The following PARD3B variants were observed in gnomAD, a reference collection of about 807,000 sequenced individuals.
PARD3B encodes the protein partitioning defective 3 homolog B.
Under a neutral mutation model 130.2 loss-of-function variants are expected in PARD3B, and 103 were observed. The observed-to-expected ratio is 0.79, with a 90% CI of 0.67 to 0.93. The LOEUF (loss-of-function observed/expected upper bound fraction) is 0.93. Among genes scored for constraint, PARD3B ranks in the 40% least tolerant of loss-of-function variants. The probability of loss-of-function intolerance (pLI) is 0.00; values close to 1 mark genes in which losing one functional copy is unlikely to be tolerated. For missense variants in PARD3B, 1,609 were observed against 1,499.2 expected, an observed-to-expected ratio of 1.07 and a Z score of -1.21; for synonymous variants, 583 against 553.2, an observed-to-expected ratio of 1.05 and a Z score of -0.76.
chr2:204,607,243 T>C (rs1446227970), intron 1 of PARD3B, among the ~76,000 whole-genome samples: 1 of 152,222 alleles, frequency 6.6e-6, no homozygotes, highest in African/African-American at 2.4e-5. Context: ...GATTATCATA[T>C]AGACGAATGA....
At chr2:204,840,285 T>C (rs1229348297) in intron 2 of PARD3B, among the ~76,000 whole-genome samples, 1 of 152,264 alleles carries the variant, frequency 6.6e-6, no homozygotes, top group South Asian at 2.1e-4. Flanking sequence ...GAGAAATAAT[T>C]GAATGACCCT....
chr2:205,508,522 T>G (rs1361619010), intron 21 of PARD3B, among the ~76,000 whole-genome samples: 2 of 147,702 alleles, frequency 1.4e-5, no homozygotes, highest in African/African-American at 5.0e-5. Context: ...CAGAGAGCCA[T>G]AATCATGCCA....
At chr2:205,213,040 C>T (rs1228601967) in intron 15 of PARD3B, among the ~76,000 whole-genome samples, 3 of 152,078 alleles carry the variant, frequency 2.0e-5, no homozygotes, top group Non-Finnish European at 4.4e-5. Context: ...AGGATTTGAA[C>T]TCAGGCACAT....
rs1186707138 is a variant in PARD3B, at chr2:205,301,537, G to A, written c.2466G>A (p.Ser822=). 6.2e-6 allele frequency: 10 copies of A among 1,613,740 alleles called. No individual in the cohort carries two copies. In the East Asian group the frequency reaches 6.7e-5, roughly 11 times the overall value. The part of the protein sequence containing the change: ...LNCESAPQGN[S]ELEDMENKAR... ...GTGAGTCTGCCCCTCAGGGGAATTC[G>A]GAGCTAGAGGACATGGAAAATAAAG... The change falls in exon 18 of 23, where the codon TCG becomes TCA. Residue 822 remains serine (S), a synonymous_variant. Transcript: ENST00000406610. The surrounding 1 kb of genome is among the most constrained non-coding windows in gnomAD (Gnocchi z 5.2).
intron 20 of PARD3B, among the ~76,000 whole-genome samples, chr2:205,462,613 C>A (rs2048488452): frequency 6.6e-6 from 1 of 152,168 alleles, no homozygotes; most frequent in African/African-American, 2.4e-5. Context: ...AACACTAACA[C>A]TTTTCCTCAT....
intron 2 of PARD3B, among the ~76,000 whole-genome samples, chr2:204,949,107 T>C (rs936461959): frequency 1.3e-5 from 2 of 152,190 alleles, no homozygotes; most frequent in Non-Finnish European, 2.9e-5. Context: ...TGAAAACAGA[T>C]TACATTTGGA....
At chr2:204,620,623 TG>T (rs1352840698) in intron 1 of PARD3B, among the ~76,000 whole-genome samples, 1 of 152,074 alleles carries the variant, frequency 6.6e-6, no homozygotes, top group East Asian at 1.9e-4. Flanking sequence ...AATGAGAAGG[TG>T]TTAGAGTCAA....
rs183861259 is a variant in PARD3B, at chr2:205,142,835, G to A, written c.1435-15887G>A. Among the ~76,000 whole-genome samples, 5 of 151,992 alleles carry A rather than the reference G, an allele frequency of 3.3e-5. No individual in the cohort carries two copies. Among genetic ancestry groups the A allele is most frequent in the African/African-American group, 7.2e-5 (3 of 41,446 alleles). On this transcript the variant is annotated intron_variant, in intron 10 of 22. Transcript: ENST00000406610. The surrounding 1 kb of genome is among the most constrained non-coding windows in gnomAD (Gnocchi z 4.3). ...AGAGGTTGCAGTGAGCCGAGATCAC[G>A]CCATTGCACTCCAGCCTGGGTGACA...
intron 18 of PARD3B, among the ~76,000 whole-genome samples, chr2:205,394,810 A>G (rs912082956): frequency 2.0e-5 from 3 of 152,168 alleles, no homozygotes; most frequent in Non-Finnish European, 2.9e-5. Context: ...TAGAGAAGGA[A>G]AGTCAAATAG....
chr2:205,185,686 G>C lies in PARD3B; in HGVS notation c.1925-78G>C, dbSNP rs75139104. On this transcript the variant is annotated intron_variant, in intron 13 of 22. Coordinates refer to ENST00000406610, the MANE Select transcript of PARD3B (RefSeq NM_001302769.2). ...ATGTGTTGGCTAAAACTGCGTCTGA[G>C]AGAGATACTGAAACCAAACCAGGCA... 1,061 of 1,199,782 alleles carry C rather than the reference G, an allele frequency of 8.8e-4. 3 individuals carry two copies. In the African/African-American group the frequency reaches 0.013, roughly 14 times the overall value. The allele number at this position is 1,199,782 out of a possible 1,614,324, so 74.3% of individuals were successfully genotyped here.
At chr2:204,882,936 GCTTTAC>G (rs1232052704) in intron 2 of PARD3B, among the ~76,000 whole-genome samples, 4 of 152,082 alleles carry the variant, frequency 2.6e-5, no homozygotes, top group African/African-American at 9.7e-5. Flanking sequence ...ACTCTGCATT[GCTTTAC>G]TTGGAAAAAG....
At chr2:204,983,533 G>A (rs971929675) in intron 3 of PARD3B, among the ~76,000 whole-genome samples, 1 of 152,112 alleles carries the variant, frequency 6.6e-6, no homozygotes, top group Non-Finnish European at 1.5e-5. Context: ...CTGTGTGGAG[G>A]AAATCTTCAT....
intron 2 of PARD3B, among the ~76,000 whole-genome samples, chr2:204,791,909 A>G (rs2042218398): frequency 6.6e-6 from 1 of 152,216 alleles, no homozygotes; most frequent in African/African-American, 2.4e-5. Context: ...GCACTTTAGA[A>G]CAGAGAGTGA....
intron 3 of PARD3B, among the ~76,000 whole-genome samples, chr2:204,998,380 ATGTGTGTG>A (rs1407026968): frequency 2.1e-4 from 18 of 86,878 alleles, no homozygotes; most frequent in African/African-American, 4.3e-4. Flanking sequence ...GTGTGTATAT[ATGTGTGTG>A]TATATATGTA....
At chr2:204,934,627 T>C (rs1056088320) in intron 2 of PARD3B, among the ~76,000 whole-genome samples, 9 of 152,118 alleles carry the variant, frequency 5.9e-5, no homozygotes, top group African/African-American at 1.9e-4. Flanking sequence ...TATTAAAATA[T>C]AGACACTATT....
chr2:205,331,782 CAAAAAAAA>C (rs56654511), intron 18 of PARD3B, among the ~76,000 whole-genome samples: 7 of 48,404 alleles, frequency 1.4e-4, no homozygotes, highest in Admixed American at 1.2e-3. Flanking sequence ...GACTCCGTCT[CAAAAAAAA>C]AAAAAAAAAA....
Position 205,287,169 on chromosome 2 carries a change from C to T in PARD3B, c.2186-13361C>T, listed in dbSNP as rs535689000. Among the ~76,000 whole-genome samples, 4 of 152,246 alleles carry T rather than the reference C, an allele frequency of 2.6e-5. No individual in the cohort carries two copies. The highest frequency in any genetic ancestry group is 7.2e-5 in the African/African-American group (3 of 41,534). On this transcript the variant is annotated intron_variant, in intron 16 of 22. Coordinates refer to ENST00000406610, the MANE Select transcript of PARD3B (RefSeq NM_001302769.2). This position sits in a 1 kb window ranked among gnomAD's most constrained non-coding sequence, Gnocchi z 4.8. ...CAGTCTGCCCTGTTACTCAAGTGTCCGACCTGAGCAGAAACAACTGGTGGT... is the reference window on the plus strand; with the variant it reads ...CAGTCTGCCCTGTTACTCAAGTGTCTGACCTGAGCAGAAACAACTGGTGGT...
intron 2 of PARD3B, among the ~76,000 whole-genome samples, chr2:204,865,878 C>T (rs893520662): frequency 3.9e-5 from 6 of 152,154 alleles, no homozygotes; most frequent in African/African-American, 1.4e-4. Flanking sequence ...TCCATTTTCA[C>T]CATTTATAAG....
intron 3 of PARD3B, among the ~76,000 whole-genome samples, chr2:204,996,616 G>C (rs1472734164): frequency 3.3e-5 from 5 of 151,072 alleles, no homozygotes; most frequent in Non-Finnish European, 3.0e-5. Context: ...CACCCAGTTC[G>C]AGCTTCCCGG....
Sources: gnomAD v4.1 joint callset for allele counts (sites outside exome capture counted in the v4.1 genomes callset) on GRCh38, gnomAD v4.1.1 for gene constraint, Gnocchi (gnomAD v3.1) non-coding constraint, MANE v1.5 for transcripts, NCBI Gene and HGNC (gene_info 2026-07-23, HGNC 2026-07-21) for gene names.